Variants in SVIL observed in about 807,000 individuals in gnomAD.
The protein encoded by SVIL is supervillin, also known as archvillin.
SVIL carries 101 observed loss-of-function variants against 240.4 expected under a neutral mutation model. That is an observed-to-expected ratio of 0.42 (90% CI 0.36 to 0.50). The LOEUF is 0.50. Among genes scored for constraint, SVIL ranks in the 20% least tolerant of loss-of-function variants. The probability of loss-of-function intolerance (pLI) is 0.01; values close to 1 mark genes in which losing one functional copy is unlikely to be tolerated. For synonymous variants in SVIL, 999 were observed against 1,100.0 expected (o/e 0.91, Z 1.82); for missense variants, 2,512 against 2,818.7 (o/e 0.89, Z 2.46).
chr10:29,688,407 G>C (rs1423439199), intron 1 of SVIL, among the ~76,000 whole-genome samples: 1 of 152,164 alleles, frequency 6.6e-6, no homozygotes. Flanking sequence ...TGAAGATGCC[G>C]TTCAGATCCC....
chr10:29,489,521 T>C (rs2132392740), intron 22 of SVIL, among the ~76,000 whole-genome samples: 1 of 152,316 alleles, frequency 6.6e-6, no homozygotes, highest in South Asian at 2.1e-4. Context: ...GTCAATTCAT[T>C]ATGGTGTTGT....
chr10:29,667,530 G>A lies in SVIL; in HGVS notation c.-300-9462C>T, dbSNP rs191710325. On this transcript the variant is annotated intron_variant, in intron 2 of 35. Transcript: ENST00000375400. ...TGGATATTTACATCTTGATTATGTCGGTGGCTACACAATGGTATGGTCTTC... is the reference window on the plus strand; with the variant it reads ...TGGATATTTACATCTTGATTATGTCAGTGGCTACACAATGGTATGGTCTTC... Among the ~76,000 whole-genome samples, 109 of 152,130 alleles carry A rather than the reference G, an allele frequency of 7.2e-4. No homozygotes were observed. In the South Asian group the frequency reaches 0.011, roughly 15 times the overall value.
intron 2 of SVIL, among the ~76,000 whole-genome samples, chr10:29,566,713 TCTCTC>T (rs1365914183): frequency 3.9e-5 from 6 of 152,246 alleles, no homozygotes; most frequent in Admixed American, 2.6e-4. Flanking sequence ...TCCAGACTCT[TCTCTC>T]CTCTCTGCTT....
rs1949919740 is a variant in SVIL, at chr10:29,512,635, G to C, written c.3516+100C>G. 5.6e-6 allele frequency: 9 copies of C among 1,597,538 alleles called. No homozygotes were observed. In the East Asian group the frequency reaches 1.3e-4, roughly 24 times the overall value. On this transcript the variant is annotated intron_variant, in intron 17 of 37. Transcript: ENST00000355867. ...ACCCTAAGGGCAAAAATGCACAAAT[G>C]CTTCACAGAGTAGGAATTAGGTGGC...
At chr10:29,491,422 C>T (rs1947944798) in intron 21 of SVIL, among the ~76,000 whole-genome samples, 2 of 152,152 alleles carry the variant, frequency 1.3e-5, no homozygotes, top group African/African-American at 4.8e-5. Flanking sequence ...CCGGCAAGCC[C>T]TTCGGGAATT....
At chr10:29,692,756 G>C (rs959034840) in intron 1 of SVIL, among the ~76,000 whole-genome samples, 2 of 151,968 alleles carry the variant, frequency 1.3e-5, no homozygotes, top group Non-Finnish European at 2.9e-5. Flanking sequence ...GCCTCCCAAG[G>C]TGTTGGAATT....
chr10:29,526,928 C>T lies in SVIL; in HGVS notation c.2342+33G>A, dbSNP rs141170083. 417 of 1,487,646 alleles carry T rather than the reference C, an allele frequency of 2.8e-4. 4 individuals are homozygous for T. In the African/African-American group the frequency reaches 4.8e-3, roughly 17 times the overall value. The allele number at this position is 1,487,646 out of a possible 1,614,324, so 92.2% of individuals were successfully genotyped here. On this transcript the variant is annotated intron_variant, in intron 13 of 37. Transcript: ENST00000355867. ...CATCTGCTGTTCGGCACCTTTGCAC[C>T]GGGTGCCGCATGCATCTGTATCTGT...
At chr10:29,550,521 A>C in intron 6 of SVIL, 76 bp downstream of exon 6, 1 of 1,434,680 alleles carries the variant, frequency 7.0e-7, no homozygotes, top group East Asian at 2.5e-5. Flanking sequence ...TAGAATAGCC[A>C]AACCCTATCA....
chr10:29,624,528 T>A (rs1957792012), intron 1 of SVIL, among the ~76,000 whole-genome samples: 1 of 152,094 alleles, frequency 6.6e-6, no homozygotes, highest in Admixed American at 6.5e-5. Context: ...TGAGACTTCG[T>A]CTCAAAAACA....
At chr10:29,584,424 C>T (rs1272863641) in intron 1 of SVIL, among the ~76,000 whole-genome samples, 1 of 152,198 alleles carries the variant, frequency 6.6e-6, no homozygotes. Context: ...CCTGCTGCCA[C>T]CACTGCATGC....
At chr10:29,609,613 C>A (rs1209705735) in intron 1 of SVIL, among the ~76,000 whole-genome samples, 1 of 152,244 alleles carries the variant, frequency 6.6e-6, no homozygotes, top group East Asian at 1.9e-4. Context: ...GGGGACTCTG[C>A]AGTTCCTGGT....
chr10:29,558,381 G>A (rs905321891), intron 3 of SVIL, among the ~76,000 whole-genome samples: 5 of 152,108 alleles, frequency 3.3e-5, no homozygotes, highest in Non-Finnish European at 7.4e-5. Context: ...AATCTATAGT[G>A]AATTTTAAAA....
chr10:29,654,809 T>C (rs987956789), intron 3 of SVIL, among the ~76,000 whole-genome samples: 6 of 152,196 alleles, frequency 3.9e-5, no homozygotes, highest in Non-Finnish European at 7.3e-5. Flanking sequence ...CTGAGAATCC[T>C]GGGGCCACTG....
intron 17 of SVIL, among the ~76,000 whole-genome samples, chr10:29,504,795 T>C (rs144496566): frequency 0.016 from 2,463 of 152,298 alleles, 64 homozygotes; most frequent in African/African-American, 0.055. Context: ...TGGAGGTTTC[T>C]CACAGAACTA....
chr10:29,695,848 TCCCTC>T, intron 1 of SVIL, among the ~76,000 whole-genome samples: 1 of 44,366 alleles, frequency 2.3e-5, no homozygotes, highest in Non-Finnish European at 4.1e-5. Context: ...CGTCTCCCTC[TCCCTC>T]TCCCTCTCCC....
At chr10:29,727,222 A>T (rs1176005588) in intron 1 of SVIL, among the ~76,000 whole-genome samples, 2 of 152,230 alleles carry the variant, frequency 1.3e-5, no homozygotes, top group East Asian at 1.9e-4. Flanking sequence ...TGGTTACATC[A>T]AGATTCTATG....
At chr10:29,652,440 C>T (rs1397344514) in intron 3 of SVIL, among the ~76,000 whole-genome samples, 1 of 152,128 alleles carries the variant, frequency 6.6e-6, no homozygotes, top group African/African-American at 2.4e-5. Context: ...TTTTATTTGT[C>T]TCTTCTTCAG....
chr10:29,536,900 C>T (rs909925731), intron 6 of SVIL, among the ~76,000 whole-genome samples: 6 of 121,214 alleles, frequency 4.9e-5, no homozygotes, highest in East Asian at 4.4e-4. Context: ...GATAACAGCA[C>T]GACTCTGTCA....
chr10:29,548,638 C>T (rs983894266), intron 6 of SVIL, among the ~76,000 whole-genome samples: 1 of 152,114 alleles, frequency 6.6e-6, no homozygotes, highest in African/African-American at 2.4e-5. Context: ...TACCTGTGTC[C>T]TAGTGTGTGA....
Sources: gnomAD v4.1 joint callset for allele counts (sites outside exome capture counted in the v4.1 genomes callset) on GRCh38, gnomAD v4.1.1 for gene constraint, MANE v1.5 for transcripts, NCBI Gene and HGNC (gene_info 2026-07-23, HGNC 2026-07-21) for gene names.